SRD5A1: variants seen among roughly 807,000 people sequenced by gnomAD.
SRD5A1 encodes 3-oxo-5-alpha-steroid 4-dehydrogenase 1.
Under a neutral mutation model 28.2 loss-of-function variants are expected in SRD5A1, and 22 were observed. That is an observed-to-expected ratio of 0.78 (90% CI 0.56 to 1.12). The LOEUF is 1.12. Among genes scored for constraint, SRD5A1 ranks in the 50% most tolerant of loss-of-function variants. The probability of loss-of-function intolerance (pLI) is 0.00; values close to 1 mark genes in which losing one functional copy is unlikely to be tolerated. For synonymous variants in SRD5A1, 151 were observed against 135.0 expected (o/e 1.12, Z -0.82); for missense variants, 300 against 346.7 (o/e 0.87, Z 1.07).
At chr5:6,647,691 A>G (rs181413998) in intron 1 of SRD5A1, among the ~76,000 whole-genome samples, 2 of 152,288 alleles carry the variant, frequency 1.3e-5, no homozygotes, top group Admixed American at 6.5e-5. Context: ...TCCTGAATAC[A>G]GCACACCGAT....
At chr5:6,651,427 G>A (rs769906372) in intron 1 of SRD5A1, among the ~76,000 whole-genome samples, 4 of 152,172 alleles carry the variant, frequency 2.6e-5, no homozygotes, top group Non-Finnish European at 5.9e-5. Context: ...GGACAACAAG[G>A]CAGGAAGATC....
At chr5:6,667,599 CA>C (rs1739224268) in intron 4 of SRD5A1, among the ~76,000 whole-genome samples, 1 of 152,168 alleles carries the variant, frequency 6.6e-6, no homozygotes, top group East Asian at 1.9e-4. Flanking sequence ...CTATTATCCC[CA>C]AAACAAATGA....
At chr5:6,656,836 C>T (rs762959296) in intron 3 of SRD5A1, among the ~76,000 whole-genome samples, 4 of 152,124 alleles carry the variant, frequency 2.6e-5, no homozygotes, top group East Asian at 1.9e-4. Flanking sequence ...CAATGTGCCA[C>T]GTTCCACAGA....
intron 2 of SRD5A1, among the ~76,000 whole-genome samples, chr5:6,652,647 AGAT>A (rs753187585): frequency 2.0e-4 from 30 of 152,280 alleles, no homozygotes; most frequent in Admixed American, 3.3e-4. Flanking sequence ...TGAGGTGGGC[AGAT>A]GACTTGAATC....
At chr5:6,660,735 A>G (rs2126548569) in intron 3 of SRD5A1, among the ~76,000 whole-genome samples, 1 of 152,358 alleles carries the variant, frequency 6.6e-6, no homozygotes, top group Non-Finnish European at 1.5e-5. Flanking sequence ...GTCAATGAAT[A>G]TTGATATTTG....
rs1292002241 is a variant in SRD5A1 at position 6,669,978 on chromosome 5, C to G, written c.*1710C>G. The G allele has an allele frequency of 6.6e-6, 1 of 152,522 alleles. No homozygotes were observed. 9.4% of individuals were successfully genotyped at this position (152,522 alleles called of 1,614,324 possible). On this transcript the variant is annotated 3_prime_UTR_variant, in exon 5 of 5. Transcript: ENST00000274192. Reference sequence around the variant, plus strand: ...CTGCGGAGACCCTGGGTCCTCACATCTGGGCTGACAGAAGGCAGAGGGAAA... The same window carrying G: ...CTGCGGAGACCCTGGGTCCTCACATGTGGGCTGACAGAAGGCAGAGGGAAA...
intron 4 of SRD5A1, among the ~76,000 whole-genome samples, chr5:6,666,226 C>T (rs1203965923): frequency 1.3e-5 from 2 of 152,058 alleles, no homozygotes; most frequent in Non-Finnish European, 2.9e-5. Flanking sequence ...CGGCTCACTG[C>T]AAGCTCTGCC....
rs1183998073 is a variant in SRD5A1 at position 6,668,859 on chromosome 5, G to C, written c.*591G>C. ...CTCCTCGTGGCCCTTCCAAGGTGAGGCAAAGGCATCTGGACTTGTTCCAGC... is the reference window on the plus strand; with the variant it reads ...CTCCTCGTGGCCCTTCCAAGGTGAGCCAAAGGCATCTGGACTTGTTCCAGC... On this transcript the variant is annotated 3_prime_UTR_variant, in exon 5 of 5. Coordinates refer to ENST00000274192, the MANE Select transcript of SRD5A1 (RefSeq NM_001047.4). 1 of 152,350 alleles carries C rather than the reference G, an allele frequency of 6.6e-6. No individual in the cohort carries two copies. Among genetic ancestry groups the C allele is most frequent in the East Asian group, 1.9e-4 (1 of 5,202 alleles). The allele number at this position is 152,350 out of a possible 1,614,324, so 9.4% of individuals were successfully genotyped here. A position where few individuals can be genotyped will look rare whatever the true frequency, so the allele number is the denominator to read the frequency against.
At chr5:6,648,075 T>C (rs528546078) in intron 1 of SRD5A1, among the ~76,000 whole-genome samples, 3 of 152,274 alleles carry the variant, frequency 2.0e-5, no homozygotes, top group South Asian at 2.1e-4. Context: ...GAAAAGAAAA[T>C]TCTTTTCTTT....
rs1031167088 is a variant in SRD5A1 at position 6,670,623 on chromosome 5, A to G, written c.*2355A>G. ...GTGGGTGCTGAGGACGGATGGGTAG[A>G]AAAAACAGTCCTGGCCCAGGTGGAG... On this transcript the variant is annotated 3_prime_UTR_variant, in exon 5 of 5. Coordinates refer to ENST00000274192, the MANE Select transcript of SRD5A1 (RefSeq NM_001047.4). 1.3e-5 allele frequency: 2 copies of G among 152,240 alleles called. No individual in the cohort carries two copies. Among genetic ancestry groups the G allele is most frequent in the African/African-American group, 2.4e-5 (1 of 41,466 alleles). The allele number at this position is 152,240 out of a possible 1,614,324, so 9.4% of individuals were successfully genotyped here.
chr5:6,637,901 A>G (rs990463616), intron 1 of SRD5A1, among the ~76,000 whole-genome samples: 3 of 152,220 alleles, frequency 2.0e-5, no homozygotes, highest in East Asian at 1.9e-4. Flanking sequence ...GATTCCTTGT[A>G]TCTCTCGTGT....
At chr5:6,647,046 T>C (rs1037351143) in intron 1 of SRD5A1, among the ~76,000 whole-genome samples, 1 of 152,222 alleles carries the variant, frequency 6.6e-6, no homozygotes, top group Non-Finnish European at 1.5e-5. Flanking sequence ...CAGTAGTCAT[T>C]CAGGAGCAGG....
intron 1 of SRD5A1, among the ~76,000 whole-genome samples, chr5:6,643,445 C>T (rs1176829053): frequency 6.6e-6 from 1 of 152,178 alleles, no homozygotes; most frequent in Non-Finnish European, 1.5e-5. Flanking sequence ...GCTGGGACTA[C>T]AGGCATGTAC....
chr5:6,633,618 C>T lies in SRD5A1; in HGVS notation c.42C>T (p.Ala14=), dbSNP rs775242539. ...ATGVAEERLL[A]ALAYLQCAVG... The stretch of plus-strand genomic sequence containing the variant: ...GGGTGGCGGAGGAGCGCCTGCTGGC[C>T]GCGCTCGCCTACCTGCAGTGCGCCG... The change falls in exon 1 of 5, where the codon GCC becomes GCT. Residue 14 remains alanine (A), a synonymous_variant. Transcript: ENST00000274192. 1 of 1,530,794 alleles carries T rather than the reference C, an allele frequency of 6.5e-7. No homozygotes were observed. Among genetic ancestry groups the T allele is most frequent in the Non-Finnish European group, 8.7e-7 (1 of 1,146,700 alleles). 94.8% of individuals were successfully genotyped at this position (1,530,794 alleles called of 1,614,324 possible).
At chr5:6,648,272 C>T (rs1232577719) in intron 1 of SRD5A1, among the ~76,000 whole-genome samples, 2 of 151,898 alleles carry the variant, frequency 1.3e-5, no homozygotes, top group East Asian at 1.9e-4. Flanking sequence ...TTGCTCTCCT[C>T]GAGGAGTATC....
chr5:6,661,424 C>T (rs1046682038), intron 3 of SRD5A1, among the ~76,000 whole-genome samples: 2 of 150,926 alleles, frequency 1.3e-5, no homozygotes, highest in South Asian at 2.1e-4. Context: ...AGCCAAAAGC[C>T]CTCATGCATG....
intron 1 of SRD5A1, among the ~76,000 whole-genome samples, chr5:6,637,586 A>G (rs147185939): frequency 1.0e-3 from 159 of 152,244 alleles, no homozygotes; most frequent in African/African-American, 3.6e-3. Context: ...TGCTTTGCTC[A>G]TGGATTTTCC....
intron 3 of SRD5A1, among the ~76,000 whole-genome samples, chr5:6,659,409 G>T (rs549614559): frequency 6.6e-6 from 1 of 152,168 alleles, no homozygotes; most frequent in Non-Finnish European, 1.5e-5. Flanking sequence ...CACCGTGCCC[G>T]GCCAAAAAAG....
chr5:6,636,091 G>T (rs1434543769), intron 1 of SRD5A1, among the ~76,000 whole-genome samples: 6 of 135,368 alleles, frequency 4.4e-5, no homozygotes, highest in African/African-American at 1.6e-4. Flanking sequence ...TTTTTTTTTT[G>T]AGTTGTACAT....
Sources: gnomAD v4.1 joint callset for allele counts (sites outside exome capture counted in the v4.1 genomes callset) on GRCh38, gnomAD v4.1.1 for gene constraint, MANE v1.5 for transcripts, NCBI Gene and HGNC (gene_info 2026-07-23, HGNC 2026-07-21) for gene names.